DRC8: variants seen among roughly 807,000 people sequenced by gnomAD.
The protein encoded by DRC8 is dynein regulatory complex protein 8.
chr1:244,992,209 C>T, the DRC8 span, among the ~76,000 whole-genome samples: 1 of 152,194 alleles, frequency 6.6e-6, no homozygotes, highest in Non-Finnish European at 1.5e-5. Context: ...CCATCCTGCT[C>T]ATTCTAAAGC....
chr1:245,022,314 C>T, the DRC8 span, among the ~76,000 whole-genome samples: 15 of 150,720 alleles, frequency 1.0e-4, no homozygotes, highest in Admixed American at 2.0e-4. Context: ...CCACCACCCC[C>T]GGCTAATTTT....
the DRC8 span, among the ~76,000 whole-genome samples, chr1:244,973,556 C>T: frequency 6.6e-6 from 1 of 152,196 alleles, no homozygotes; most frequent in East Asian, 1.9e-4. Flanking sequence ...GTACACAAAA[C>T]TCGTTTTAGG....
the DRC8 span, among the ~76,000 whole-genome samples, chr1:245,021,335 T>C: frequency 1.3e-5 from 2 of 152,098 alleles, no homozygotes; most frequent in Admixed American, 6.5e-5. Flanking sequence ...ACCACTATTG[T>C]GAGTGGACAT....
the DRC8 span, among the ~76,000 whole-genome samples, chr1:245,114,602 G>A: frequency 1.3e-5 from 2 of 152,240 alleles, no homozygotes; most frequent in African/African-American, 2.4e-5. Flanking sequence ...CTGAGGACTC[G>A]TTCAAGAGGA....
At chr1:244,970,659 T>C in the DRC8 span, 7 of 35,356 alleles carry the variant, frequency 2.0e-4, no homozygotes, top group African/African-American at 1.0e-3. Context: ...CCGCCCCGCC[T>C]CTCTCCCCCG....
At chr1:245,015,751 T>C in the DRC8 span, 1 of 277,952 alleles carries the variant, frequency 3.6e-6, no homozygotes, top group Non-Finnish European at 7.2e-6. Context: ...TCCAGAATGC[T>C]GACATTTCTC....
the DRC8 span, chr1:245,087,658 G>A: frequency 2.9e-6 from 3 of 1,042,692 alleles, no homozygotes; most frequent in Non-Finnish European, 1.2e-6. Flanking sequence ...AATTAATTAA[G>A]CTGACAAAAT....
At chr1:244,979,919 A>G in the DRC8 span, among the ~76,000 whole-genome samples, 1 of 151,256 alleles carries the variant, frequency 6.6e-6, no homozygotes, top group Non-Finnish European at 1.5e-5. Context: ...AAAGTTTTTA[A>G]CAAGGCCGGG....
the DRC8 span, among the ~76,000 whole-genome samples, chr1:245,005,125 G>A: frequency 1.3e-5 from 2 of 151,970 alleles, no homozygotes; most frequent in East Asian, 1.9e-4. Context: ...AATCCCATTT[G>A]GTCATAGTGG....
chr1:245,101,852 T>A, the DRC8 span, among the ~76,000 whole-genome samples: 6 of 152,320 alleles, frequency 3.9e-5, no homozygotes, highest in Admixed American at 1.3e-4. Flanking sequence ...TATCCCATTT[T>A]TGAACAGTGG....
At chr1:245,025,065 T>A in the DRC8 span, among the ~76,000 whole-genome samples, 2 of 152,164 alleles carry the variant, frequency 1.3e-5, no homozygotes, top group African/African-American at 4.8e-5. Context: ...TTTAATTTAG[T>A]CAAATTACAC....
the DRC8 span, among the ~76,000 whole-genome samples, chr1:245,070,424 G>A: frequency 6.6e-6 from 1 of 152,154 alleles, no homozygotes; most frequent in Non-Finnish European, 1.5e-5. Context: ...ATAAAGTATA[G>A]GCCCTTTTCA....
the DRC8 span, among the ~76,000 whole-genome samples, chr1:245,034,058 T>C: frequency 3.3e-5 from 5 of 152,178 alleles, no homozygotes. Flanking sequence ...CTCTTTTTTC[T>C]CAGCCTCTGC....
At chr1:245,019,128 A>G in the DRC8 span, among the ~76,000 whole-genome samples, 5 of 152,300 alleles carry the variant, frequency 3.3e-5, no homozygotes, top group Non-Finnish European at 5.9e-5. Flanking sequence ...CTTTTTTTCC[A>G]TTGAAAGTTA....
the DRC8 span, among the ~76,000 whole-genome samples, chr1:244,980,455 G>A: frequency 6.6e-6 from 1 of 152,168 alleles, no homozygotes; most frequent in Non-Finnish European, 1.5e-5. Flanking sequence ...GTGCTCAGTG[G>A]ATTAGATGGA....
At chr1:245,098,141 T>C in the DRC8 span, among the ~76,000 whole-genome samples, 1 of 151,938 alleles carries the variant, frequency 6.6e-6, no homozygotes, top group Non-Finnish European at 1.5e-5. Context: ...GTGGATGGGA[T>C]GGAAGTAGAG....
chr1:245,081,908 A>G, the DRC8 span, among the ~76,000 whole-genome samples: 1 of 152,204 alleles, frequency 6.6e-6, no homozygotes, highest in East Asian at 1.9e-4. Flanking sequence ...CTCCAGTTGA[A>G]TGATGAAGGT....
At chr1:245,011,057 G>GAAATATA in the DRC8 span, among the ~76,000 whole-genome samples, 1 of 152,158 alleles carries the variant, frequency 6.6e-6, no homozygotes, top group South Asian at 2.1e-4. Flanking sequence ...TGAAATCTTT[G>GAAATATA]CATATACATA....
chr1:245,048,880 A>G, the DRC8 span, among the ~76,000 whole-genome samples: 1 of 152,088 alleles, frequency 6.6e-6, no homozygotes, highest in African/African-American at 2.4e-5. Context: ...CAGGTGGGAA[A>G]TGGACATGAA....
Sources: allele counts gnomAD v4.1 joint callset (sites outside exome capture counted in the v4.1 genomes callset), GRCh38; gene constraint gnomAD v4.1.1; transcripts MANE v1.5; gene names NCBI Gene and HGNC (gene_info 2026-07-23, HGNC 2026-07-21).